Variants in AUTS2 observed in about 807,000 individuals in gnomAD.
The protein encoded by AUTS2 is autism susceptibility gene 2 protein.
Under a neutral mutation model 112.4 loss-of-function variants are expected in AUTS2, and 17 were observed. The observed-to-expected ratio is 0.15, with a 90% CI of 0.10 to 0.23. The LOEUF (loss-of-function observed/expected upper bound fraction) is 0.23. Among genes scored for constraint, AUTS2 ranks in the 10% least tolerant of loss-of-function variants. The probability of loss-of-function intolerance (pLI) is 1.00; values close to 1 mark genes in which losing one functional copy is unlikely to be tolerated. For synonymous variants in AUTS2, 751 were observed against 702.7 expected (o/e 1.07, Z -1.09); for missense variants, 1,510 against 1,701.6 (o/e 0.89, Z 1.98).
At position 70,488,678 on chromosome 7, in the gene AUTS2, C is replaced by G. The variant is rs1010357049; in HGVS notation, c.690+52897C>G. On this transcript the variant is annotated intron_variant, in intron 5 of 18. Transcript: ENST00000342771. ...GCCTGAATTGAGCCTCAGGATCGTCCTAGCTCTCAGGATTCCTCCTGCTCC... is the reference window on the plus strand; with the variant it reads ...GCCTGAATTGAGCCTCAGGATCGTCGTAGCTCTCAGGATTCCTCCTGCTCC... Among the ~76,000 whole-genome samples the G allele has an allele frequency of 5.9e-5, 9 of 152,262 alleles. No homozygotes were observed. The South Asian group carries it at 1.2e-3, about 21-fold the overall frequency.
chr7:69,623,805 G>C (rs1793800111), intron 1 of AUTS2, among the ~76,000 whole-genome samples: 1 of 152,058 alleles, frequency 6.6e-6, no homozygotes, highest in Non-Finnish European at 1.5e-5. Context: ...TCCAATGAAT[G>C]ATCACAAAGT....
In AUTS2 at chr7:70,645,258, G is replaced by A. The variant is rs980991848; in HGVS notation, c.691-53311G>A. ...ACCTCCCCTCATTCATTAGGAGCTG[G>A]ACATGAAAAGGAGAGCATCTAAAAC... is the stretch of plus-strand genomic sequence containing the variant. On this transcript the variant is annotated intron_variant, in intron 5 of 18. Coordinates refer to ENST00000342771, the MANE Select transcript of AUTS2 (RefSeq NM_015570.4). 4.0e-4 allele frequency among the ~76,000 whole-genome samples: 58 copies of A among 144,284 alleles called. 1 individual carries two copies. Among genetic ancestry groups the A allele is most frequent in the Admixed American group, 1.9e-3 (26 of 13,864 alleles). The allele number at this position is 144,284 out of a possible 152,430, so 94.7% of individuals were successfully genotyped here. A position where few individuals can be genotyped will look rare whatever the true frequency, so the allele number is the denominator to read the frequency against.
rs527907271 is a variant in AUTS2 at position 70,629,757 on chromosome 7, C to A, written c.691-68812C>A. Among the ~76,000 whole-genome samples the A allele has an allele frequency of 6.2e-5, 9 of 146,324 alleles. No individual in the cohort carries two copies. The East Asian group carries it at 1.8e-3, about 29-fold the overall frequency. ...CCTAATTCTAAATTTACCTAAGGTT[C>A]TTTTTTTTTTTCTTTTTTAAAAGCT... On this transcript the variant is annotated intron_variant, in intron 5 of 18. Coordinates refer to ENST00000342771, the MANE Select transcript of AUTS2 (RefSeq NM_015570.4).
intron 4 of AUTS2, among the ~76,000 whole-genome samples, chr7:70,254,221 T>G (rs1047587118): frequency 1.3e-5 from 2 of 152,168 alleles, no homozygotes; most frequent in African/African-American, 4.8e-5. Context: ...ACACGGACAC[T>G]CTGCAACCTG....
chr7:70,784,531 C>T (rs527686385), intron 15 of AUTS2: 1 of 170,174 alleles, frequency 5.9e-6, no homozygotes, highest in African/African-American at 2.4e-5. Flanking sequence ...CTCTAAGAAG[C>T]CCTTCAGTAA....
chr7:70,707,078 C>A (rs1470573556), intron 6 of AUTS2, among the ~76,000 whole-genome samples: 1 of 152,142 alleles, frequency 6.6e-6, no homozygotes, highest in Non-Finnish European at 1.5e-5. Flanking sequence ...GAGGATGAAA[C>A]GAGGCAATGG....
intron 1 of AUTS2, among the ~76,000 whole-genome samples, chr7:69,721,610 A>T (rs145223100): frequency 2.0e-5 from 3 of 152,342 alleles, no homozygotes; most frequent in African/African-American, 7.2e-5. Context: ...AATGAAGAAT[A>T]CAGGACTCAG....
At chr7:70,255,437 A>C (rs562716364) in intron 4 of AUTS2, among the ~76,000 whole-genome samples, 21 of 152,336 alleles carry the variant, frequency 1.4e-4, no homozygotes, top group Admixed American at 3.9e-4. Context: ...GCAAAAAAAA[A>C]TAATGATGAA....
At chr7:70,288,332 G>A (rs946954849) in intron 4 of AUTS2, among the ~76,000 whole-genome samples, 1 of 152,148 alleles carries the variant, frequency 6.6e-6, no homozygotes, top group African/African-American at 2.4e-5. Flanking sequence ...AACCCGGGAG[G>A]CGGAGGTTGC....
At chr7:70,376,017 G>T (rs1473254165) in intron 4 of AUTS2, among the ~76,000 whole-genome samples, 1 of 148,406 alleles carries the variant, frequency 6.7e-6, no homozygotes, top group South Asian at 2.1e-4. Flanking sequence ...GTTTTTTGTC[G>T]TTAAAAAAAA....
At position 70,612,159 on chromosome 7, in the gene AUTS2, A is replaced by G. The variant is rs574001965; in HGVS notation, c.691-86410A>G. On this transcript the variant is annotated intron_variant, in intron 5 of 18. Transcript: ENST00000342771. ...ATTTTTGTAGTTTTAGGGAAAGGAGAAAAGTACCATAGCCTTCTTTGTTCT... is the reference window on the plus strand; with the variant it reads ...ATTTTTGTAGTTTTAGGGAAAGGAGGAAAGTACCATAGCCTTCTTTGTTCT... 7.9e-5 allele frequency among the ~76,000 whole-genome samples: 12 copies of G among 152,340 alleles called. No homozygotes were observed. The East Asian group carries it at 1.2e-3, about 15-fold the overall frequency.
At chr7:69,706,638 C>T (rs1475881485) in intron 1 of AUTS2, among the ~76,000 whole-genome samples, 4 of 152,162 alleles carry the variant, frequency 2.6e-5, no homozygotes, top group African/African-American at 9.7e-5. Context: ...AGTTTTTTCT[C>T]CACCTTTGTT....
chr7:69,864,360 T>G (rs1793125145), intron 1 of AUTS2, among the ~76,000 whole-genome samples: 1 of 152,206 alleles, frequency 6.6e-6, no homozygotes, highest in South Asian at 2.1e-4. Flanking sequence ...GAAGAGATGA[T>G]GCAGCTCTCT....
At chr7:69,972,928 G>C (rs1417148318) in intron 2 of AUTS2, among the ~76,000 whole-genome samples, 4 of 152,036 alleles carry the variant, frequency 2.6e-5, no homozygotes, top group African/African-American at 9.7e-5. Context: ...AGATAAAATA[G>C]TACCTGTGTT....
At chr7:69,676,259 G>A (rs927385611) in intron 1 of AUTS2, among the ~76,000 whole-genome samples, 20 of 152,318 alleles carry the variant, frequency 1.3e-4, no homozygotes, top group African/African-American at 4.3e-4. Flanking sequence ...AGACCCTTAG[G>A]TATGGCCCTG....
chr7:69,803,587 A>G (rs968075493), intron 1 of AUTS2, among the ~76,000 whole-genome samples: 2 of 151,870 alleles, frequency 1.3e-5, no homozygotes, highest in African/African-American at 4.8e-5. Context: ...GAAGACTTGG[A>G]GTCAAAAAAC....
At chr7:69,711,240 A>C (rs910254311) in intron 1 of AUTS2, among the ~76,000 whole-genome samples, 1 of 152,200 alleles carries the variant, frequency 6.6e-6, no homozygotes, top group East Asian at 1.9e-4. Flanking sequence ...TGCAATTAAC[A>C]TGAAAATGAT....
At chr7:70,610,420 C>T (rs1333832606) in intron 5 of AUTS2, among the ~76,000 whole-genome samples, 2 of 132,448 alleles carry the variant, frequency 1.5e-5, no homozygotes, top group Non-Finnish European at 3.1e-5. Flanking sequence ...ACTTAGCGCT[C>T]ATCTTTTTTT....
At chr7:70,673,279 C>CA (rs919036511) in intron 5 of AUTS2, among the ~76,000 whole-genome samples, 4 of 152,156 alleles carry the variant, frequency 2.6e-5, no homozygotes, top group Non-Finnish European at 4.4e-5. Flanking sequence ...CAGAACTGCC[C>CA]ACTCTCTCCT....
Sources: gnomAD v4.1 joint callset for allele counts (sites outside exome capture counted in the v4.1 genomes callset) on GRCh38, gnomAD v4.1.1 for gene constraint, MANE v1.5 for transcripts, NCBI Gene and HGNC (gene_info 2026-07-23, HGNC 2026-07-21) for gene names.